Variants in SANBR observed in about 807,000 individuals in gnomAD.
The protein encoded by SANBR is SANT and BTB domain regulator of CSR.
SANBR carries 77 observed loss-of-function variants against 101.8 expected under a neutral mutation model. That is an observed-to-expected ratio of 0.76 (90% CI 0.63 to 0.91). The LOEUF is 0.91. SANBR is among the 40% of genes least tolerant of loss of function. SANBR has a pLI of 0.00. For missense variants in SANBR, 875 were observed against 853.0 expected (o/e 1.03, Z -0.32); for synonymous variants, 279 against 274.7 (o/e 1.02, Z -0.15).
In SANBR at chr2:61,124,273, T is replaced by C. The variant is rs1031940699; in HGVS notation, c.*2111T>C. 8.1e-5 allele frequency: 78 copies of C among 966,278 alleles called. No homozygotes were observed. Among genetic ancestry groups the C allele is most frequent in the Non-Finnish European group, 9.2e-5 (75 of 812,460 alleles). 59.9% of individuals were successfully genotyped at this position (966,278 alleles called of 1,614,324 possible). ...TTTCTTTAATTGAAATAAATGTTAA[T>C]GACAAAAGTTGTTTGGAAAGTCTCT... On this transcript the variant is annotated 3_prime_UTR_variant, in exon 22 of 22. Transcript: ENST00000402291.
intron 21 of SANBR, chr2:61,134,379 T>C: frequency 8.6e-7 from 1 of 1,157,954 alleles, no homozygotes; most frequent in South Asian, 1.6e-5. Flanking sequence ...CTCACGTTAT[T>C]CCCCCACCTA....
chr2:61,133,143 T>C (rs1684739700), intron 20 of SANBR, among the ~76,000 whole-genome samples: 1 of 152,068 alleles, frequency 6.6e-6, no homozygotes, highest in African/African-American at 2.4e-5. Context: ...TCCCAGCTAC[T>C]TGGGAGGCTG....
intron 7 of SANBR, 22 bp from the exon 8 acceptor site, chr2:61,083,132 T>C (rs200099028): frequency 6.4e-7 from 1 of 1,572,502 alleles, no homozygotes; most frequent in African/African-American, 1.4e-5. Context: ...ATTTTCGACA[T>C]TTATTTTCTA....
chr2:61,083,585 T>A (rs1682261714), intron 8 of SANBR, among the ~76,000 whole-genome samples: 1 of 151,154 alleles, frequency 6.6e-6, no homozygotes, highest in South Asian at 2.1e-4. Flanking sequence ...AAAAAAAAAT[T>A]TTGACCAGGC....
chr2:61,076,545 A>T (rs1406159290), intron 5 of SANBR, among the ~76,000 whole-genome samples: 19 of 149,802 alleles, frequency 1.3e-4, no homozygotes, highest in Admixed American at 7.3e-4. Flanking sequence ...GGAGAATGGC[A>T]TGAACCCGGG....
At chr2:61,128,197 G>A (rs193055241), downstream of SANBR, among the ~76,000 whole-genome samples, 103 of 151,778 alleles carry the variant, frequency 6.8e-4, 3 homozygotes, top group East Asian at 0.018. Flanking sequence ...GCTTGAACCC[G>A]GGAGGTGGAG....
At chr2:61,119,821 G>A (rs75110786) in intron 20 of SANBR, among the ~76,000 whole-genome samples, 9,490 of 152,196 alleles carry the variant, frequency 0.062, 1,039 homozygotes, top group African/African-American at 0.22. Flanking sequence ...AATTAGCCAG[G>A]TATGGTGGTG....
At chr2:61,102,039 C>A (rs1185015051) in intron 12 of SANBR, among the ~76,000 whole-genome samples, 1 of 151,292 alleles carries the variant, frequency 6.6e-6, no homozygotes, top group Non-Finnish European at 1.5e-5. Context: ...CTCAAAAAAA[C>A]CAAAATAGAT....
intron 17 of SANBR, among the ~76,000 whole-genome samples, chr2:61,116,900 T>A (rs1381125959): frequency 1.3e-5 from 2 of 150,986 alleles, no homozygotes; most frequent in Non-Finnish European, 3.0e-5. Context: ...TAAAAAAAAA[T>A]ACAAAAATTA....
downstream of SANBR, among the ~76,000 whole-genome samples, chr2:61,126,160 C>T (rs905318216): frequency 2.6e-5 from 4 of 152,220 alleles, no homozygotes; most frequent in Non-Finnish European, 4.4e-5. Flanking sequence ...CTTATTCAAA[C>T]CCATTCTTTT....
intron 8 of SANBR, 122 bp downstream of exon 8, chr2:61,083,436 G>T: frequency 1.4e-6 from 1 of 717,654 alleles, no homozygotes; most frequent in Admixed American, 2.8e-5. Context: ...TCACTCTGTT[G>T]TTCAGGCTGG....
At chr2:61,092,437 C>T in intron 10 of SANBR, 27 bp from the exon 11 acceptor site, 1 of 1,496,304 alleles carries the variant, frequency 6.7e-7, no homozygotes, top group South Asian at 1.4e-5. Flanking sequence ...ATATCACTTG[C>T]TTGTAAAATT....
chr2:61,071,618 T>G lies in SANBR; in HGVS notation c.163T>G (p.Phe55Val). 1 of 1,557,416 alleles carries G rather than the reference T, an allele frequency of 6.4e-7. No homozygotes were observed. Among genetic ancestry groups the G allele is most frequent in the South Asian group, 1.2e-5 (1 of 81,696 alleles). ...GLTPKECAKR[F>V]DELKSSGSSP... is the part of the protein sequence containing the mutation. Reference sequence around the variant, plus strand: ...TATATTATGACAGTGTGCAAAAAGGTTTGATGAATTAAAGAGCAGTGGAAG... The same window carrying G: ...TATATTATGACAGTGTGCAAAAAGGGTTGATGAATTAAAGAGCAGTGGAAG... Residue 55 changes from phenylalanine to valine, a missense_variant, in exon 4 of 22, where the codon TTT becomes GTT. Transcript: ENST00000402291.
At position 61,078,478 on chromosome 2, in the gene SANBR, A is replaced by G. The variant is rs546725317; in HGVS notation, c.670+1320A>G. Among the ~76,000 whole-genome samples, 403 of 152,028 alleles carry G rather than the reference A, an allele frequency of 2.7e-3. 4 individuals are homozygous for G. The highest frequency in any genetic ancestry group is 8.8e-3 in the African/African-American group (365 of 41,470). On this transcript the variant is annotated intron_variant, in intron 6 of 21. Coordinates refer to ENST00000402291, the MANE Select transcript of SANBR (RefSeq NM_001129993.3). ...CTCTTGTCACCCAGGCTGGAGTGCA[A>G]CGGTGCAATCTCAGCTCACTGCAAC...
At chr2:61,084,918 G>A (rs896617759) in intron 8 of SANBR, among the ~76,000 whole-genome samples, 1 of 152,020 alleles carries the variant, frequency 6.6e-6, no homozygotes, top group African/African-American at 2.4e-5. Context: ...GATGTGGGGA[G>A]AGAGAGAGGA....
chr2:61,094,749 T>G (rs1294010062), intron 11 of SANBR, among the ~76,000 whole-genome samples: 3 of 150,240 alleles, frequency 2.0e-5, no homozygotes, highest in Non-Finnish European at 3.0e-5. Flanking sequence ...GTTCAAGCGA[T>G]TCTCCTGTCT....
chr2:61,128,914 A>G (rs1405053643), downstream of SANBR, among the ~76,000 whole-genome samples: 1 of 152,024 alleles, frequency 6.6e-6, no homozygotes, highest in African/African-American at 2.4e-5. Context: ...GTGAGTTATA[A>G]TCACACCACT....
chr2:61,088,316 ATTC>A (rs1228104762), intron 9 of SANBR, 39 bp from the exon 10 acceptor site: 4 of 1,571,414 alleles, frequency 2.5e-6, no homozygotes, highest in East Asian at 2.3e-5. Flanking sequence ...CTACATTTAC[ATTC>A]TTCTTCCTGG....
chr2:61,111,097 G>GA (rs1171887774), intron 16 of SANBR, among the ~76,000 whole-genome samples: 2 of 151,998 alleles, frequency 1.3e-5, no homozygotes, highest in South Asian at 2.1e-4. Flanking sequence ...CAATGACATT[G>GA]AAAAAACATG....
Sources: gnomAD v4.1 joint callset for allele counts (sites outside exome capture counted in the v4.1 genomes callset) on GRCh38, gnomAD v4.1.1 for gene constraint, MANE v1.5 for transcripts, NCBI Gene and HGNC (gene_info 2026-07-23, HGNC 2026-07-21) for gene names.